The following RGS3 variants were observed in gnomAD, a reference collection of about 807,000 sequenced individuals.
RGS3 encodes the protein regulator of G-protein signalling 3.
Under a neutral mutation model 132.6 loss-of-function variants are expected in RGS3, and 80 were observed. The observed-to-expected ratio is 0.60, with a 90% CI of 0.50 to 0.73. The LOEUF is 0.73. Ranked by LOEUF, RGS3 falls within the 30% of genes least tolerant of loss-of-function variation. The pLI is 0.00. For missense variants in RGS3, 1,382 were observed against 1,530.8 expected, an observed-to-expected ratio of 0.90 and a Z score of 1.62; for synonymous variants, 598 against 620.6, an observed-to-expected ratio of 0.96 and a Z score of 0.54.
intron 19 of RGS3, among the ~76,000 whole-genome samples, chr9:113,549,908 G>A (rs1041933602): frequency 5.9e-5 from 9 of 152,168 alleles, no homozygotes; most frequent in African/African-American, 2.2e-4. Flanking sequence ...ACAGGAGGCT[G>A]AGATGGGAGA....
intron 14 of RGS3, among the ~76,000 whole-genome samples, chr9:113,510,144 G>A (rs750464098): frequency 5.3e-5 from 8 of 150,202 alleles, no homozygotes; most frequent in African/African-American, 7.4e-5. Context: ...ATGCCTTTGC[G>A]TCCTCATAGC....
At chr9:113,471,313 C>G (rs929212527) in intron 3 of RGS3, among the ~76,000 whole-genome samples, 1 of 152,104 alleles carries the variant, frequency 6.6e-6, no homozygotes, top group South Asian at 2.1e-4. Flanking sequence ...CAGAAACTCA[C>G]TCAGTCTCTT....
chr9:113,567,963 C>G (rs760348944), intron 19 of RGS3, among the ~76,000 whole-genome samples: 1 of 152,250 alleles, frequency 6.6e-6, no homozygotes, highest in Non-Finnish European at 1.5e-5. Context: ...AGCTGCTTCC[C>G]ATTGGCCTCT....
At chr9:113,596,620 G>C in intron 24 of RGS3, 148 bp from the exon 23 acceptor site, 1 of 638,462 alleles carries the variant, frequency 1.6e-6, no homozygotes, top group East Asian at 2.9e-5. Flanking sequence ...GAATCCTCTG[G>C]TCTGAGGGTC....
chr9:113,447,329 G>GTGTGTATA (rs1554751009), intron 1 of RGS3, among the ~76,000 whole-genome samples: 1 of 27,536 alleles, frequency 3.6e-5, no homozygotes, highest in Admixed American at 5.6e-4. Context: ...GTATGTATAT[G>GTGTGTATA]TATATATATA....
chr9:113,587,077 T>C (rs1001338190), intron 20 of RGS3, among the ~76,000 whole-genome samples: 1 of 152,196 alleles, frequency 6.6e-6, no homozygotes, highest in Non-Finnish European at 1.5e-5. Context: ...GGACAGGCAC[T>C]TGGCTTACAG....
intron 3 of RGS3, among the ~76,000 whole-genome samples, chr9:113,468,092 T>A (rs1013678786): frequency 1.3e-5 from 2 of 152,234 alleles, no homozygotes; most frequent in African/African-American, 2.4e-5. Flanking sequence ...TTGTACTTTG[T>A]GTTATATCTC....
intron 8 of RGS3, among the ~76,000 whole-genome samples, chr9:113,496,760 A>G (rs1830696608): frequency 6.6e-6 from 1 of 152,138 alleles, no homozygotes; most frequent in South Asian, 2.1e-4. Context: ...CATGTTGGCC[A>G]GGCTGGTCTC....
intron 19 of RGS3, among the ~76,000 whole-genome samples, chr9:113,580,198 CCCAGGTGCG>C (rs1834722303): frequency 6.6e-6 from 1 of 152,236 alleles, no homozygotes; most frequent in South Asian, 2.1e-4. Flanking sequence ...GTGGGATGCA[CCCAGGTGCG>C]GGGCCTCAGG....
At chr9:113,539,548 G>A (rs893494243) in intron 19 of RGS3, among the ~76,000 whole-genome samples, 3 of 152,192 alleles carry the variant, frequency 2.0e-5, no homozygotes, top group Admixed American at 1.3e-4. Context: ...GACCTCAAGA[G>A]TAGCACACCT....
rs1310501211 is a variant in RGS3 at position 113,537,054 on chromosome 9, G to A, written c.2037+136G>A. On this transcript the variant is annotated intron_variant, in intron 19 of 24. Transcript: ENST00000350696. The surrounding 1 kb of genome is among the most constrained non-coding windows in gnomAD (Gnocchi z 4.3). Reference sequence around the variant, plus strand: ...TCTGGGCAATGAGCTCTTGGCAAGCGGGGACCTGTGCCCGAATGTCTCTCC... The same window carrying A: ...TCTGGGCAATGAGCTCTTGGCAAGCAGGGACCTGTGCCCGAATGTCTCTCC... 6 of 752,644 alleles carry A rather than the reference G, an allele frequency of 8.0e-6. No homozygotes were observed. The highest frequency in any genetic ancestry group is 2.7e-5 in the East Asian group (1 of 36,566). The allele number at this position is 752,644 out of a possible 1,614,324, so 46.6% of individuals were successfully genotyped here.
chr9:113,535,780 G>A (rs112472567), intron 18 of RGS3, among the ~76,000 whole-genome samples: 21 of 152,114 alleles, frequency 1.4e-4, no homozygotes, highest in African/African-American at 4.6e-4. Flanking sequence ...TCATCTAATC[G>A]CAGCCCTTTG....
chr9:113,567,795 G>A (rs1185224584), intron 19 of RGS3, among the ~76,000 whole-genome samples: 1 of 152,214 alleles, frequency 6.6e-6, no homozygotes, highest in African/African-American at 2.4e-5. Flanking sequence ...AGACTACAGG[G>A]GATTGGAGCT....
chr9:113,581,563 T>A (rs1834810283), intron 19 of RGS3: 1 of 152,266 alleles, frequency 6.6e-6, no homozygotes, highest in Non-Finnish European at 1.5e-5. Context: ...CTGTAGGAGC[T>A]TTCGAGCTTT....
In RGS3 at chr9:113,523,041, G is replaced by C. The variant is rs201562824; in HGVS notation, c.1870G>C (p.Gly624Arg). 364 of 1,604,232 alleles carry C rather than the reference G, an allele frequency of 2.3e-4. 1 individual carries two copies. In the Middle Eastern group the frequency reaches 5.5e-3, roughly 24 times the overall value. ...CCTCCAGAGTGTGAAGCTGCAGGAA[G>C]GTAAGCAGATGCCGTAGGTGCCCAG... The change falls in exon 17 of 25, where the codon GGT (glycine) becomes CGT (arginine). Residue 624 changes from glycine to arginine, a missense_variant and splice_region_variant. Physicochemically the swap from Gly to Arg is moderately radical, Grantham distance 125 (BLOSUM62 -2). Transcript: ENST00000350696.
At chr9:113,502,032 G>A (rs1395877904) in intron 10 of RGS3, among the ~76,000 whole-genome samples, 2 of 152,188 alleles carry the variant, frequency 1.3e-5, no homozygotes, top group Admixed American at 6.5e-5. Flanking sequence ...ATGTTGGCAC[G>A]TGCTCATATG....
intron 19 of RGS3, among the ~76,000 whole-genome samples, chr9:113,549,682 C>T (rs1340701490): frequency 6.6e-6 from 1 of 152,178 alleles, no homozygotes; most frequent in Non-Finnish European, 1.5e-5. Context: ...GTTACTGGTG[C>T]AATTTTTCTA....
At chr9:113,555,615 C>T (rs543993323) in intron 19 of RGS3, among the ~76,000 whole-genome samples, 12 of 152,080 alleles carry the variant, frequency 7.9e-5, no homozygotes, top group East Asian at 1.9e-4. Context: ...TACAGGCGCC[C>T]GCCACCACGC....
Position 113,537,306 on chromosome 9 carries a change from C to A in RGS3, c.2037+388C>A, listed in dbSNP as rs572646052. On this transcript the variant is annotated intron_variant, in intron 19 of 24. Coordinates refer to ENST00000350696, the Ensembl canonical transcript of RGS3. The surrounding 1 kb of genome is among the most constrained non-coding windows in gnomAD (Gnocchi z 4.3). ...ACTGGTGTTTAACATTGGCCCCAGG[C>A]GGATGCGATAGAGGGGATGTTTGCG... Among the ~76,000 whole-genome samples, 1 of 152,150 alleles carries A rather than the reference C, an allele frequency of 6.6e-6. No individual in the cohort carries two copies. The highest frequency in any genetic ancestry group is 6.5e-5 in the Admixed American group (1 of 15,272).
Sources: allele counts gnomAD v4.1 joint callset (sites outside exome capture counted in the v4.1 genomes callset), GRCh38; gene constraint gnomAD v4.1.1; non-coding constraint Gnocchi (gnomAD v3.1); transcripts MANE v1.5; gene names NCBI Gene and HGNC (gene_info 2026-07-23, HGNC 2026-07-21).